Variants in ARL15 observed in about 807,000 individuals in gnomAD.
ARL15 encodes ADP-ribosylation factor-like protein 15.
ARL15 carries 19 observed loss-of-function variants against 25.2 expected under a neutral mutation model. The observed-to-expected ratio is 0.75, with a 90% confidence interval of 0.53 to 1.10. The LOEUF (loss-of-function observed/expected upper bound fraction) is 1.10. ARL15 is among the 50% of genes least tolerant of loss of function. The probability of loss-of-function intolerance (pLI) is 0.00; values close to 1 mark genes in which losing one functional copy is unlikely to be tolerated. For synonymous variants in ARL15, 94 were observed against 86.8 expected (o/e 1.08, Z -0.46); for missense variants, 220 against 246.0 (o/e 0.89, Z 0.71).
At chr5:54,064,695 C>T (rs192842509) in intron 4 of ARL15, among the ~76,000 whole-genome samples, 1 of 151,196 alleles carries the variant, frequency 6.6e-6, no homozygotes, top group Non-Finnish European at 1.5e-5. Context: ...GCACTGTTCT[C>T]CCTGAGGTTT....
intron 1 of ARL15, among the ~76,000 whole-genome samples, chr5:54,274,590 T>C (rs1210621652): frequency 2.0e-5 from 3 of 152,120 alleles, no homozygotes; most frequent in Non-Finnish European, 4.4e-5. Flanking sequence ...TTATTTTGCT[T>C]ACTAAAGGTA....
At chr5:53,966,971 C>T (rs1343863027) in intron 4 of ARL15, among the ~76,000 whole-genome samples, 1 of 152,118 alleles carries the variant, frequency 6.6e-6, no homozygotes, top group East Asian at 1.9e-4. Context: ...GTTCAATAAG[C>T]TGTGTTGCAG....
chr5:53,978,268 T>C (rs956036073), intron 4 of ARL15, among the ~76,000 whole-genome samples: 1 of 152,178 alleles, frequency 6.6e-6, no homozygotes. Context: ...TATTCACATA[T>C]ATTTTCATCT....
chr5:54,083,949 A>T (rs1751879005), intron 4 of ARL15, among the ~76,000 whole-genome samples: 1 of 152,208 alleles, frequency 6.6e-6, no homozygotes, highest in Non-Finnish European at 1.5e-5. Flanking sequence ...TTAATCATAC[A>T]GAAAAGAAGA....
At chr5:53,896,775 T>A (rs1744888006) in intron 4 of ARL15, among the ~76,000 whole-genome samples, 1 of 151,656 alleles carries the variant, frequency 6.6e-6, no homozygotes. Context: ...GGATTACAGG[T>A]TGTGAGCCAC....
chr5:53,923,373 G>A (rs1371101788), intron 4 of ARL15, among the ~76,000 whole-genome samples: 1 of 152,154 alleles, frequency 6.6e-6, no homozygotes, highest in Non-Finnish European at 1.5e-5. Context: ...CAGAAGGGCA[G>A]GCTGTTCCCT....
intron 4 of ARL15, among the ~76,000 whole-genome samples, chr5:54,023,610 G>T (rs116310783): frequency 6.6e-6 from 1 of 151,754 alleles, no homozygotes; most frequent in Non-Finnish European, 1.5e-5. Context: ...AAAATATGGC[G>T]CTTTGATGTG....
chr5:54,251,292 G>T (rs1010417803), intron 1 of ARL15, among the ~76,000 whole-genome samples: 8 of 152,172 alleles, frequency 5.3e-5, no homozygotes, highest in African/African-American at 1.9e-4. Context: ...CAAAGAAAGA[G>T]ATACGTCTGT....
intron 1 of ARL15, among the ~76,000 whole-genome samples, chr5:54,251,641 C>G (rs1757239101): frequency 6.6e-6 from 1 of 152,188 alleles, no homozygotes; most frequent in Non-Finnish European, 1.5e-5. Context: ...GACCTCAGAC[C>G]TACTGATTCA....
At chr5:54,125,324 G>A (rs1315805385) in intron 3 of ARL15, among the ~76,000 whole-genome samples, 6 of 152,076 alleles carry the variant, frequency 3.9e-5, no homozygotes, top group South Asian at 4.1e-4. Context: ...GTGAGCCACC[G>A]CGCCCAGCCC....
chr5:54,272,134 T>TTTTTTTTTTTA (rs1757803086), intron 1 of ARL15, among the ~76,000 whole-genome samples: 1 of 139,526 alleles, frequency 7.2e-6, no homozygotes, highest in Admixed American at 7.3e-5. Context: ...TTTTTTTTTT[T>TTTTTTTTTTTA]GAAGACTAGG....
At chr5:54,224,720 T>C (rs1000597931) in intron 1 of ARL15, among the ~76,000 whole-genome samples, 36 of 152,124 alleles carry the variant, frequency 2.4e-4, no homozygotes, top group African/African-American at 8.2e-4. Context: ...TATTCATTTT[T>C]TTACTTTATA....
intron 1 of ARL15, among the ~76,000 whole-genome samples, chr5:54,266,275 C>A (rs1757622007): frequency 6.6e-6 from 1 of 152,156 alleles, no homozygotes; most frequent in African/African-American, 2.4e-5. Flanking sequence ...TGAGAGCAGA[C>A]CTCTCCCCGT....
chr5:53,918,023 C>CA (rs1745713629), intron 4 of ARL15, among the ~76,000 whole-genome samples: 1 of 152,018 alleles, frequency 6.6e-6, no homozygotes, highest in South Asian at 2.1e-4. Context: ...ACGACATATG[C>CA]AATAAGAACA....
At chr5:54,178,917 A>G (rs1184938929) in intron 1 of ARL15, among the ~76,000 whole-genome samples, 2 of 152,148 alleles carry the variant, frequency 1.3e-5, no homozygotes, top group Non-Finnish European at 2.9e-5. Context: ...TGTAGGAGAC[A>G]TTGGGAGGGG....
At chr5:54,202,495 C>T (rs906263056) in intron 1 of ARL15, among the ~76,000 whole-genome samples, 5 of 152,118 alleles carry the variant, frequency 3.3e-5, no homozygotes, top group African/African-American at 9.7e-5. Flanking sequence ...ATTCAGGCGA[C>T]CCCTAGAAGC....
chr5:53,965,260 T>C (rs1747512567), intron 4 of ARL15, among the ~76,000 whole-genome samples: 1 of 152,212 alleles, frequency 6.6e-6, no homozygotes, highest in South Asian at 2.1e-4. Flanking sequence ...TTTAATCAAA[T>C]GATATAGTGG....
chr5:54,075,195 G>A (rs1272089190), intron 4 of ARL15, among the ~76,000 whole-genome samples: 1 of 150,640 alleles, frequency 6.6e-6, no homozygotes, highest in African/African-American at 2.4e-5. Flanking sequence ...TTAAATGAAT[G>A]TTCATGATCT....
intron 4 of ARL15, among the ~76,000 whole-genome samples, chr5:54,018,081 A>G (rs1749481689): frequency 6.6e-6 from 1 of 152,168 alleles, no homozygotes; most frequent in Non-Finnish European, 1.5e-5. Flanking sequence ...CACATTCCAC[A>G]TGTTCATCAT....
Sources: allele counts gnomAD v4.1 joint callset (sites outside exome capture counted in the v4.1 genomes callset), GRCh38; gene constraint gnomAD v4.1.1; transcripts MANE v1.5; gene names NCBI Gene and HGNC (gene_info 2026-07-23, HGNC 2026-07-21).